Variants in TMEM260 observed in about 807,000 individuals in gnomAD.
TMEM260 encodes the protein protein O-mannosyl-transferase TMEM260.
Under a neutral mutation model 88.9 loss-of-function variants are expected in TMEM260, and 82 were observed. The ratio of observed to expected loss-of-function variants is 0.92; its 90% CI spans 0.77 to 1.11. TMEM260 has a LOEUF of 1.11. Among genes scored for constraint, TMEM260 ranks in the 50% least tolerant of loss-of-function variants. TMEM260 has a pLI of 0.00. For missense variants in TMEM260, 902 were observed against 853.4 expected (o/e 1.06, Z -0.71); for synonymous variants, 314 against 309.3 (o/e 1.02, Z -0.16).
chr14:56,622,475 A>G (rs1280159049), intron 11 of TMEM260, among the ~76,000 whole-genome samples: 3 of 152,162 alleles, frequency 2.0e-5, no homozygotes, highest in African/African-American at 7.2e-5. Context: ...GTAGGTAAGT[A>G]AACATTTCAC....
chr14:56,629,318 A>ATACTT (rs955279956), intron 12 of TMEM260, among the ~76,000 whole-genome samples: 6 of 145,340 alleles, frequency 4.1e-5, no homozygotes, highest in African/African-American at 1.5e-4. Flanking sequence ...TACAGCATCC[A>ATACTT]TACTTAACTT....
chr14:56,601,040 G>A (rs1443903968), intron 3 of TMEM260, among the ~76,000 whole-genome samples: 1 of 152,130 alleles, frequency 6.6e-6, no homozygotes, highest in African/African-American at 2.4e-5. Context: ...TTGCTGCTAT[G>A]GGATTAGTCT....
At chr14:56,587,356 G>A (rs1885570081) in intron 3 of TMEM260, among the ~76,000 whole-genome samples, 1 of 151,816 alleles carries the variant, frequency 6.6e-6, no homozygotes, top group Non-Finnish European at 1.5e-5. Flanking sequence ...ACTTTTCCAT[G>A]TTTTTCAACA....
intron 3 of TMEM260, among the ~76,000 whole-genome samples, chr14:56,593,705 T>G (rs903679755): frequency 1.6e-5 from 2 of 123,096 alleles, no homozygotes; most frequent in East Asian, 2.8e-4. Flanking sequence ...TTTTTTTTTT[T>G]GAGACTGAGT....
At chr14:56,600,705 CAG>C (rs2139543025) in intron 3 of TMEM260, among the ~76,000 whole-genome samples, 1 of 152,240 alleles carries the variant, frequency 6.6e-6, no homozygotes, top group South Asian at 2.1e-4. Context: ...GTGGAAAAAT[CAG>C]ACTCTCATAC....
intron 7 of TMEM260, chr14:56,615,731 G>A (rs78859862): frequency 0.019 from 9,712 of 504,538 alleles, 125 homozygotes; most frequent in Non-Finnish European, 0.028. Context: ...TATATAAGTT[G>A]ATAACCAAAT....
intron 10 of TMEM260, 152 bp from the exon 11 acceptor site, chr14:56,621,379 C>G: frequency 1.8e-6 from 1 of 547,906 alleles, no homozygotes; most frequent in Middle Eastern, 4.1e-4. Flanking sequence ...TGATAGTATT[C>G]TCTCTTCAAA....
At chr14:56,654,251 A>T (rs1429470321), downstream of TMEM260, among the ~76,000 whole-genome samples, 37 of 152,290 alleles carry the variant, frequency 2.4e-4, no homozygotes, top group South Asian at 1.7e-3. Context: ...TTTTAGTGTG[A>T]CAAGAAAAAA....
At chr14:56,639,805 GGGCTTAACAAAC>G (rs1205001725) in intron 15 of TMEM260, among the ~76,000 whole-genome samples, 4 of 152,192 alleles carry the variant, frequency 2.6e-5, no homozygotes, top group Admixed American at 2.0e-4. Flanking sequence ...CTTTTCCAAT[GGGCTTAACAAAC>G]GGCACACCAG....
At chr14:56,634,308 T>G (rs1158981907) in intron 13 of TMEM260, among the ~76,000 whole-genome samples, 1 of 152,210 alleles carries the variant, frequency 6.6e-6, no homozygotes, top group Admixed American at 6.5e-5. Context: ...TAACATATAG[T>G]TCTTATGAAC....
chr14:56,643,466 A>G (rs1339535999), intron 15 of TMEM260, among the ~76,000 whole-genome samples: 3 of 152,164 alleles, frequency 2.0e-5, no homozygotes, highest in Non-Finnish European at 4.4e-5. Context: ...ACAACCCTTC[A>G]TGCTAAAAAC....
intron 4 of TMEM260, among the ~76,000 whole-genome samples, chr14:56,604,785 C>G (rs1316649363): frequency 2.6e-5 from 4 of 152,126 alleles, no homozygotes; most frequent in African/African-American, 7.2e-5. Context: ...AAATCAGGCT[C>G]AACTCCAAAT....
At chr14:56,620,364 G>A (rs1167639479) in intron 10 of TMEM260, among the ~76,000 whole-genome samples, 1 of 152,114 alleles carries the variant, frequency 6.6e-6, no homozygotes, top group Non-Finnish European at 1.5e-5. Context: ...AGGCCACCAG[G>A]AGGCCTTGAG....
intron 3 of TMEM260, among the ~76,000 whole-genome samples, chr14:56,590,062 A>G (rs1227901796): frequency 1.1e-4 from 17 of 152,348 alleles, no homozygotes; most frequent in African/African-American, 3.8e-4. Context: ...AAGAATGGAA[A>G]GTACTGGAGC....
the TMEM260 span, among the ~76,000 whole-genome samples, chr14:56,657,770 C>G: frequency 6.6e-6 from 1 of 152,204 alleles, no homozygotes; most frequent in African/African-American, 2.4e-5. Context: ...CTTGGGCTAT[C>G]TGGAGCTTTG....
At chr14:56,609,416 C>G in intron 6 of TMEM260, 131 bp downstream of exon 6, 1 of 825,742 alleles carries the variant, frequency 1.2e-6, no homozygotes, top group Non-Finnish European at 1.9e-6. Context: ...ATTTATGTAA[C>G]AAACTTGCCC....
At chr14:56,594,198 A>C (rs1886068552) in intron 3 of TMEM260, among the ~76,000 whole-genome samples, 1 of 152,194 alleles carries the variant, frequency 6.6e-6, no homozygotes, top group Admixed American at 6.5e-5. Context: ...AGAATGGAAA[A>C]CATTTTTTTC....
intron 1 of TMEM260, among the ~76,000 whole-genome samples, chr14:56,584,189 A>G (rs577587303): frequency 1.4e-4 from 21 of 152,286 alleles, no homozygotes; most frequent in African/African-American, 4.3e-4. Context: ...GAGTATTGCT[A>G]TCTATGAAAG....
chr14:56,640,864 A>G (rs1889536175), intron 15 of TMEM260, among the ~76,000 whole-genome samples: 1 of 152,236 alleles, frequency 6.6e-6, no homozygotes, highest in Admixed American at 6.5e-5. Context: ...AAGCCTCAGT[A>G]GCCAATGCGA....
Sources: allele counts gnomAD v4.1 joint callset (sites outside exome capture counted in the v4.1 genomes callset), GRCh38; gene constraint gnomAD v4.1.1; transcripts MANE v1.5; gene names NCBI Gene and HGNC (gene_info 2026-07-23, HGNC 2026-07-21).